Variants in KMT2C observed in about 807,000 individuals in gnomAD.
The protein encoded by KMT2C is histone-lysine N-methyltransferase 2C.
A neutral mutation model predicts 507.9 loss-of-function variants in KMT2C; 88 were observed. The ratio of observed to expected loss-of-function variants is 0.17; its 90% CI spans 0.15 to 0.21. KMT2C has a LOEUF of 0.21. KMT2C is among the 10% of genes least tolerant of loss of function. The pLI is 1.00. For synonymous variants in KMT2C, 2,049 were observed against 2,080.8 expected, an observed-to-expected ratio of 0.98 and a Z score of 0.42; for missense variants, 4,954 against 5,957.8, an observed-to-expected ratio of 0.83 and a Z score of 5.55.
intron 1 of KMT2C, among the ~76,000 whole-genome samples, chr7:152,411,434 C>T (rs574068292): frequency 7.3e-5 from 11 of 151,572 alleles, no homozygotes; most frequent in Admixed American, 5.9e-4. Flanking sequence ...TTTTATGGCC[C>T]AGAGAATCTC....
chr7:152,241,760 TTTAATA>T (rs1254370428), intron 14 of KMT2C, among the ~76,000 whole-genome samples: 1 of 152,364 alleles, frequency 6.6e-6, no homozygotes, highest in East Asian at 1.9e-4. Flanking sequence ...TAGTCGATAG[TTTAATA>T]TTATGTTGGC....
At chr7:152,367,994 C>T in intron 1 of KMT2C, 2 of 855,656 alleles carry the variant, frequency 2.3e-6, no homozygotes, top group South Asian at 2.9e-5. Flanking sequence ...TGAAAGAAAT[C>T]CAAGAACATA....
chr7:152,201,307 C>G (rs1372934481), intron 26 of KMT2C, among the ~76,000 whole-genome samples: 6 of 150,946 alleles, frequency 4.0e-5, no homozygotes, highest in African/African-American at 9.8e-5. Flanking sequence ...CACACACACA[C>G]ACACACACAC....
In KMT2C at chr7:152,162,744, TTTC is replaced by T; in HGVS notation, c.10830_10832del (p.Lys3611del). The T allele has an allele frequency of 1.9e-6, 3 of 1,614,188 alleles. No individual in the cohort carries two copies. The highest frequency in any genetic ancestry group is 1.1e-5 in the South Asian group (1 of 91,082). On this transcript the variant is annotated inframe_deletion, in exon 43 of 59. Coordinates refer to ENST00000262189, the MANE Select transcript of KMT2C (RefSeq NM_170606.3). ...TGGTGGATTCTGCATCATCATCTCT[TTTC>T]TTCTTTCTTGTTCTTTTCTTTTTCC...
chr7:152,373,834 T>C (rs1341407991), intron 1 of KMT2C, among the ~76,000 whole-genome samples: 1 of 152,130 alleles, frequency 6.6e-6, no homozygotes, highest in African/African-American at 2.4e-5. Context: ...ACTCTACTTA[T>C]GAACATAAAG....
chr7:152,268,009 G>C (rs563281795), intron 7 of KMT2C, among the ~76,000 whole-genome samples: 6 of 152,266 alleles, frequency 3.9e-5, no homozygotes, highest in African/African-American at 1.4e-4. Context: ...GCTGGGCACA[G>C]ACACTCACGC....
chr7:152,154,491 T>A (rs1450883887), intron 46 of KMT2C, 46 bp from the exon 47 acceptor site: 1 of 1,569,374 alleles, frequency 6.4e-7, no homozygotes, highest in African/African-American at 1.3e-5. Context: ...AATCCACCAC[T>A]GGGGGCTTCC....
chr7:152,388,185 C>A (rs1291695290), intron 1 of KMT2C, among the ~76,000 whole-genome samples: 5 of 152,348 alleles, frequency 3.3e-5, no homozygotes, highest in East Asian at 3.8e-4. Context: ...TCATTAATTT[C>A]ATTCATTATG....
intron 6 of KMT2C, among the ~76,000 whole-genome samples, chr7:152,306,251 A>G (rs1017698153): frequency 6.6e-6 from 1 of 151,988 alleles, no homozygotes; most frequent in Non-Finnish European, 1.5e-5. Flanking sequence ...GTAGGTGGTA[A>G]TTGCTTATTT....
chr7:152,154,239 AAAT>A (rs1450494775), intron 47 of KMT2C, 25 bp downstream of exon 47: 2 of 1,613,002 alleles, frequency 1.2e-6, no homozygotes, highest in Non-Finnish European at 1.7e-6. Flanking sequence ...GTGTAAAGGG[AAAT>A]AATAAGGTTA....
intron 1 of KMT2C, among the ~76,000 whole-genome samples, chr7:152,421,619 C>T (rs1013555389): frequency 1.3e-5 from 2 of 152,124 alleles, no homozygotes; most frequent in African/African-American, 2.4e-5. Flanking sequence ...GGCCATTATT[C>T]GTAAGCGAAT....
chr7:152,244,721 T>C lies in KMT2C; in HGVS notation c.2532+3181A>G, dbSNP rs548029673. On this transcript the variant is annotated intron_variant, in intron 14 of 58. Transcript: ENST00000262189. Reference sequence around the variant, plus strand: ...TCTTTGTGAAATCCTGCGTCTACAATAGGCAAGAAAACAAAAAACAAAAGG... The same window carrying C: ...TCTTTGTGAAATCCTGCGTCTACAACAGGCAAGAAAACAAAAAACAAAAGG... Among the ~76,000 whole-genome samples, 1,176 of 152,224 alleles carry C rather than the reference T, an allele frequency of 7.7e-3. 9 individuals are homozygous for C. The highest frequency in any genetic ancestry group is 0.014 in the Middle Eastern group (4 of 294).
At chr7:152,299,284 C>A (rs1216252069) in intron 6 of KMT2C, among the ~76,000 whole-genome samples, 1 of 151,670 alleles carries the variant, frequency 6.6e-6, no homozygotes, top group African/African-American at 2.4e-5. Context: ...CGCCACTGCA[C>A]TCCAGCCTGG....
chr7:152,272,357 TAAA>T (rs2095992746), intron 7 of KMT2C, among the ~76,000 whole-genome samples: 1 of 152,174 alleles, frequency 6.6e-6, no homozygotes, highest in Admixed American at 6.5e-5. Flanking sequence ...AACATTCTTG[TAAA>T]AGTTTGCATG....
chr7:152,434,158 A>T (rs1474617559), intron 1 of KMT2C, among the ~76,000 whole-genome samples: 1 of 152,256 alleles, frequency 6.6e-6, no homozygotes, highest in East Asian at 1.9e-4. Context: ...GTTAATACAG[A>T]ATAAGGGCAT....
At chr7:152,360,298 C>T (rs1410075187) in intron 1 of KMT2C, among the ~76,000 whole-genome samples, 3 of 150,082 alleles carry the variant, frequency 2.0e-5, no homozygotes, top group Non-Finnish European at 3.0e-5. Flanking sequence ...GCCTACGTGG[C>T]GAAACCTCGT....
chr7:152,159,611 T>G (rs1260183453), intron 43 of KMT2C, among the ~76,000 whole-genome samples: 1 of 152,228 alleles, frequency 6.6e-6, no homozygotes, highest in African/African-American at 2.4e-5. Context: ...GTTCTTCAAA[T>G]TAGTTCACAA....
In KMT2C at chr7:152,235,207, G is replaced by GTATGTATATATATATATA. The variant is rs950086494; in HGVS notation, c.2769+609_2769+610insTATATATATATATACATA. On this transcript the variant is annotated intron_variant, in intron 16 of 58. Coordinates refer to ENST00000262189, the MANE Select transcript of KMT2C (RefSeq NM_170606.3). ...TGATTGTGGTATCGTTTTCAAGGGT[G>GTATGTATATATATATATA]TATATATATATATATATCAAAGCTT... Among the ~76,000 whole-genome samples the GTATGTATATATATATATA allele has an allele frequency of 4.3e-3, 607 of 142,468 alleles. 19 individuals are homozygous for GTATGTATATATATATATA. The highest frequency in any genetic ancestry group is 0.016 in the African/African-American group (578 of 36,676). The allele number at this position is 142,468 out of a possible 152,430, so 93.5% of individuals were successfully genotyped here.
At chr7:152,353,628 G>A (rs2097130721) in intron 2 of KMT2C, among the ~76,000 whole-genome samples, 1 of 151,994 alleles carries the variant, frequency 6.6e-6, no homozygotes, top group South Asian at 2.1e-4. Context: ...CTCCTGAGTA[G>A]CTAGGACTAC....
Sources: allele counts gnomAD v4.1 joint callset (sites outside exome capture counted in the v4.1 genomes callset), GRCh38; gene constraint gnomAD v4.1.1; transcripts MANE v1.5; gene names NCBI Gene and HGNC (gene_info 2026-07-23, HGNC 2026-07-21).